Variants in PRKN observed in about 807,000 individuals in gnomAD.
PRKN encodes the protein parkin RBR E3 ubiquitin protein ligase.
PRKN carries 56 observed loss-of-function variants against 59.5 expected under a neutral mutation model. The ratio of observed to expected loss-of-function variants is 0.94; its 90% confidence interval spans 0.76 to 1.18. The LOEUF (loss-of-function observed/expected upper bound fraction) is 1.18, where lower values mean the gene tolerates loss of function less well. PRKN is among the 50% of genes most tolerant of loss of function. The pLI is 0.00. For synonymous variants in PRKN, 250 were observed against 222.1 expected, an observed-to-expected ratio of 1.13 and a Z score of -1.12; for missense variants, 657 against 596.4, an observed-to-expected ratio of 1.10 and a Z score of -1.06.
Position 162,376,883 on chromosome 6 carries a change from G to A in PRKN, c.171+66427C>T, listed in dbSNP as rs1210016432. On this transcript the variant is annotated intron_variant, in intron 2 of 11. Coordinates refer to ENST00000366898, the MANE Select transcript of PRKN (RefSeq NM_004562.3). ...GAAAGGGGGAGGAAGAGGGGGAGAG[G>A]GAGAGGGAAAGAGAGAGGTAGGAAG... Among the ~76,000 whole-genome samples the A allele has an allele frequency of 3.4e-5, 5 of 147,758 alleles. No individual in the cohort carries two copies. The East Asian group carries it at 8.3e-4, about 25-fold the overall frequency.
chr6:162,335,367 C>T (rs746328870), intron 2 of PRKN, among the ~76,000 whole-genome samples: 6 of 152,044 alleles, frequency 3.9e-5, no homozygotes, highest in Non-Finnish European at 8.8e-5. Flanking sequence ...AGACATAATG[C>T]TATCGCATAA....
intron 9 of PRKN, among the ~76,000 whole-genome samples, chr6:161,506,445 C>T (rs994011468): frequency 1.3e-5 from 2 of 152,178 alleles, no homozygotes; most frequent in African/African-American, 4.8e-5. Context: ...ATGGGGTTTT[C>T]TAGATATACA....
intron 7 of PRKN, among the ~76,000 whole-genome samples, chr6:161,746,782 T>G (rs570212942): frequency 6.0e-4 from 87 of 144,056 alleles, no homozygotes; most frequent in African/African-American, 2.3e-3. Flanking sequence ...TATGTCTATA[T>G]CTAGAATCTA....
chr6:162,465,172 C>G (rs2128175698), intron 1 of PRKN, among the ~76,000 whole-genome samples: 1 of 152,302 alleles, frequency 6.6e-6, no homozygotes, highest in South Asian at 2.1e-4. Flanking sequence ...TAAAGAAAAA[C>G]CAGTGAAGTG....
At chr6:161,966,151 C>T (rs1339841765) in intron 6 of PRKN, among the ~76,000 whole-genome samples, 18 of 151,854 alleles carry the variant, frequency 1.2e-4, no homozygotes, top group Admixed American at 9.2e-4. Context: ...AATGTTATCC[C>T]GAAGTCAGTT....
intron 6 of PRKN, among the ~76,000 whole-genome samples, chr6:161,897,448 C>T: frequency 6.6e-6 from 1 of 152,202 alleles, no homozygotes; most frequent in Non-Finnish European, 1.5e-5. Context: ...AGTATTATCT[C>T]TTTTTTAGGC....
intron 4 of PRKN, among the ~76,000 whole-genome samples, chr6:162,098,074 G>A (rs1779816638): frequency 6.6e-6 from 1 of 152,120 alleles, no homozygotes; most frequent in African/African-American, 2.4e-5. Context: ...TTCAAATAGT[G>A]CTTAACTCTT....
At chr6:161,618,917 G>A (rs547804823) in intron 7 of PRKN, among the ~76,000 whole-genome samples, 8 of 152,128 alleles carry the variant, frequency 5.3e-5, no homozygotes, top group Non-Finnish European at 1.0e-4. Flanking sequence ...GGGCGCCATG[G>A]AGCTGCCAAG....
intron 3 of PRKN, among the ~76,000 whole-genome samples, chr6:162,218,462 G>A (rs1777796884): frequency 2.6e-5 from 4 of 152,260 alleles, no homozygotes; most frequent in Middle Eastern, 3.4e-3. Flanking sequence ...ATGGCAGCCG[G>A]GGCTGGAAAC....
At chr6:161,941,054 T>C (rs939574098) in intron 6 of PRKN, among the ~76,000 whole-genome samples, 6 of 152,116 alleles carry the variant, frequency 3.9e-5, no homozygotes, top group African/African-American at 1.4e-4. Context: ...TTAACCAATA[T>C]GGAAGGTGGG....
intron 10 of PRKN, among the ~76,000 whole-genome samples, chr6:161,382,261 G>A (rs1285274664): frequency 6.6e-6 from 1 of 152,154 alleles, no homozygotes; most frequent in African/African-American, 2.4e-5. Flanking sequence ...ACAGGATGTA[G>A]TGGGGAGGGC....
chr6:162,416,301 C>G (rs1286860177), intron 2 of PRKN, among the ~76,000 whole-genome samples: 2 of 152,308 alleles, frequency 1.3e-5, no homozygotes, highest in African/African-American at 2.4e-5. Flanking sequence ...CCACCTCTAC[C>G]TGGTGACATT....
chr6:162,219,243 C>A (rs1562590201), intron 3 of PRKN, among the ~76,000 whole-genome samples: 1 of 152,114 alleles, frequency 6.6e-6, no homozygotes, highest in Non-Finnish European at 1.5e-5. Flanking sequence ...TTCACTTGCT[C>A]TGACAGAAAC....
At chr6:162,711,256 G>T (rs1000464098) in intron 1 of PRKN, among the ~76,000 whole-genome samples, 1 of 152,184 alleles carries the variant, frequency 6.6e-6, no homozygotes, top group East Asian at 1.9e-4. Flanking sequence ...CCATTTGGAA[G>T]ACTACAGACT....
chr6:161,703,831 CTCTCTCTCTTTTTTTTTTTTTTT>C (rs1786355943), intron 7 of PRKN, among the ~76,000 whole-genome samples: 1 of 133,346 alleles, frequency 7.5e-6, no homozygotes, highest in African/African-American at 3.2e-5. Flanking sequence ...CTCTCTCTCT[CTCTCTCTCTTTTTTTTTTTTTTT>C]TTTTTTTTTT....
chr6:161,392,985 A>G (rs1786583488), intron 9 of PRKN, among the ~76,000 whole-genome samples: 1 of 152,140 alleles, frequency 6.6e-6, no homozygotes, highest in Non-Finnish European at 1.5e-5. Flanking sequence ...AGATCTTTAC[A>G]TGTTTAAATA....
Position 161,552,800 on chromosome 6 carries a change from G to GTTT in PRKN, c.934-3800_934-3798dup, listed in dbSNP as rs1270027394. 5.0e-5 allele frequency among the ~76,000 whole-genome samples: 7 copies of GTTT among 139,786 alleles called. No individual in the cohort carries two copies. Among genetic ancestry groups the GTTT allele is most frequent in the Non-Finnish European group, 9.2e-5 (6 of 65,382 alleles). 91.7% of individuals were successfully genotyped at this position (139,786 alleles called of 152,430 possible). On this transcript the variant is annotated intron_variant, in intron 8 of 11. Coordinates refer to ENST00000366898, the MANE Select transcript of PRKN (RefSeq NM_004562.3). This position sits in a 1 kb window ranked among gnomAD's most constrained non-coding sequence, Gnocchi z 4.9. ...GGTTTTGTTGTTGTTTTTGTTTTTT[G>GTTT]TTTTTTTTTTTTAGACGGAGTCTCG... is the stretch of plus-strand genomic sequence containing the variant.
intron 7 of PRKN, among the ~76,000 whole-genome samples, chr6:161,726,561 A>T (rs548492611): frequency 1.3e-5 from 2 of 152,360 alleles, no homozygotes; most frequent in Non-Finnish European, 2.9e-5. Flanking sequence ...TACAGTTGGT[A>T]AGAAGAAAAA....
Position 161,416,966 on chromosome 6 carries a change from T to C in PRKN, c.1084-30089A>G, listed in dbSNP as rs145752655. Among the ~76,000 whole-genome samples, 52 of 152,114 alleles carry C rather than the reference T, an allele frequency of 3.4e-4. No homozygotes were observed. The East Asian group carries it at 9.5e-3, about 28-fold the overall frequency. Reference sequence around the variant, plus strand: ...AAGCAGCTAAAGCTCTGGAATGAGGTACCAGAAAGAAGAAAGGAAGATGGA... The same window carrying C: ...AAGCAGCTAAAGCTCTGGAATGAGGCACCAGAAAGAAGAAAGGAAGATGGA... On this transcript the variant is annotated intron_variant, in intron 9 of 11. Coordinates refer to ENST00000366898, the MANE Select transcript of PRKN (RefSeq NM_004562.3).
Sources: gnomAD v4.1 joint callset for allele counts (sites outside exome capture counted in the v4.1 genomes callset) on GRCh38, gnomAD v4.1.1 for gene constraint, Gnocchi (gnomAD v3.1) non-coding constraint, MANE v1.5 for transcripts, NCBI Gene and HGNC (gene_info 2026-07-23, HGNC 2026-07-21) for gene names.